Variants in SPAG5 observed in about 807,000 individuals in gnomAD.
SPAG5 encodes the protein sperm associated antigen 5, also known as sperm-associated antigen 5.
In SPAG5, 99 loss-of-function variants were observed where a neutral mutation model predicts 145.4. The observed-to-expected ratio is 0.68, with a 90% CI of 0.58 to 0.80. SPAG5 has a LOEUF of 0.80. Ranked by LOEUF, SPAG5 falls within the 30% of genes least tolerant of loss-of-function variation. The pLI, the probability that SPAG5 is intolerant of heterozygous loss-of-function variation, is 0.00. For synonymous variants in SPAG5, 477 were observed against 525.4 expected, an observed-to-expected ratio of 0.91 and a Z score of 1.26; for missense variants, 1,192 against 1,416.0, an observed-to-expected ratio of 0.84 and a Z score of 2.54.
At position 28,583,675 on chromosome 17, in the gene SPAG5, C is replaced by T. The variant is rs374676508; in HGVS notation, c.2547-26G>A. On this transcript the variant is annotated intron_variant, in intron 14 of 23. Transcript: ENST00000321765. ...CTGAAATAAGGAACAGGGAAGATGA[C>T]CAAAGACCAAATTACCTTCTCTGAA... 20 of 1,576,974 alleles carry T rather than the reference C, an allele frequency of 1.3e-5. No homozygotes were observed. In the South Asian group the frequency reaches 2.1e-4, roughly 17 times the overall value.
chr17:28,583,367 A>G, intron 15 of SPAG5, 144 bp downstream of exon 15: 2 of 809,458 alleles, frequency 2.5e-6, no homozygotes, highest in Admixed American at 3.4e-5. Context: ...AGGGGAAGAA[A>G]GGTTTGAGCA....
At chr17:28,595,827 C>T (rs373298645) in intron 2 of SPAG5, among the ~76,000 whole-genome samples, 11 of 152,154 alleles carry the variant, frequency 7.2e-5, no homozygotes, top group African/African-American at 2.4e-4. Context: ...AGGCAGATCA[C>T]GAGGTCAGGA....
In SPAG5 at chr17:28,594,512, G is replaced by A. The variant is rs974855591; in HGVS notation, c.178-1446C>T. Among the ~76,000 whole-genome samples the A allele has an allele frequency of 4.0e-5, 6 of 151,852 alleles. No individual in the cohort carries two copies. In the East Asian group the frequency reaches 5.8e-4, roughly 15 times the overall value. ...TGGGAGGCTGAGGCAGGAGAATGGC[G>A]TGAACCCGGGAGGTGGAGCTTGCAG... is the stretch of plus-strand genomic sequence containing the variant. On this transcript the variant is annotated intron_variant, in intron 2 of 23. Transcript: ENST00000321765.
chr17:28,596,222 A>G (rs2070664142), intron 2 of SPAG5, among the ~76,000 whole-genome samples: 1 of 152,060 alleles, frequency 6.6e-6, no homozygotes, highest in Non-Finnish European at 1.5e-5. Context: ...AATTTTTACA[A>G]AACAAAAATA....
chr17:28,578,570 T>TAGAC (rs775881813), intron 20 of SPAG5, 42 bp from the exon 21 acceptor site: 1 of 1,609,584 alleles, frequency 6.2e-7, no homozygotes, highest in African/African-American at 1.3e-5. Flanking sequence ...GACATAAGGA[T>TAGAC]AGACAACATG....
chr17:28,586,935 T>C (rs2070588977), intron 4 of SPAG5, among the ~76,000 whole-genome samples: 2 of 152,154 alleles, frequency 1.3e-5, no homozygotes, highest in South Asian at 4.1e-4. Flanking sequence ...TTTTATTTTC[T>C]GTAGAGATGA....
chr17:28,592,770 T>C lies in SPAG5; in HGVS notation c.474A>G (p.Ile158Met), dbSNP rs144748384. 1.2e-6 allele frequency: 2 copies of C among 1,614,104 alleles called. No individual in the cohort carries two copies. Among genetic ancestry groups the C allele is most frequent in the African/African-American group, 1.3e-5 (1 of 74,926 alleles). The change falls in exon 3 of 24, where the codon ATA (isoleucine) becomes ATG (methionine). Residue 158 changes from isoleucine to methionine, a missense_variant. Physicochemically the swap from Ile to Met is conservative, Grantham distance 10 (BLOSUM62 1). Transcript: ENST00000321765. ...CTGTTCTCAAAGGTCCATTTAAAGA[T>C]ATGCTGTTTGTCTCTGCCATGGTAT... is the stretch of plus-strand genomic sequence containing the variant. ...RLDTMAETNS[I>M]SLNGPLRTDD...
chr17:28,577,983 G>GT, intron 23 of SPAG5, 27 bp downstream of exon 23: 1 of 1,579,342 alleles, frequency 6.3e-7, no homozygotes, highest in Non-Finnish European at 8.7e-7. Context: ...AGGTTCATTA[G>GT]TGATATCACC....
intron 2 of SPAG5, among the ~76,000 whole-genome samples, chr17:28,594,218 A>G (rs546983815): frequency 2.0e-5 from 3 of 152,232 alleles, no homozygotes; most frequent in Non-Finnish European, 4.4e-5. Flanking sequence ...CATGCTAGAC[A>G]CATAATTATA....
At chr17:28,590,694 C>A (rs936268367) in intron 4 of SPAG5, among the ~76,000 whole-genome samples, 25 of 151,818 alleles carry the variant, frequency 1.6e-4, no homozygotes, top group Non-Finnish European at 3.4e-4. Context: ...CATAGTGAAA[C>A]CCTGTCTCTA....
chr17:28,579,957 T>C (rs2070539640), intron 16 of SPAG5, 52 bp downstream of exon 16: 3 of 1,536,332 alleles, frequency 2.0e-6, no homozygotes, highest in Non-Finnish European at 2.7e-6. Flanking sequence ...CAGCAGAAGA[T>C]ATCAGGAGCA....
In SPAG5 at chr17:28,592,301, T is replaced by C. The variant is rs766232580; in HGVS notation, c.943A>G (p.Met315Val). Residue 315 changes from methionine (M) to valine (V), a missense_variant, in exon 3 of 24, where the codon ATG becomes GTG. Met to Val is a conservative substitution (Grantham distance 21). Coordinates refer to ENST00000321765, the MANE Select transcript of SPAG5 (RefSeq NM_006461.4). ...STCLTPNLVE[M>V]ESQEAPGPAV... ...GGGCCTGGAGCTTCTTGGGATTCCA[T>C]TTCTACTAGATTTGGTGTCAGGCAT... The C allele has an allele frequency of 1.9e-6, 3 of 1,614,056 alleles. No homozygotes were observed. Among genetic ancestry groups the C allele is most frequent in the Admixed American group, 3.3e-5 (2 of 59,990 alleles).
intron 2 of SPAG5, among the ~76,000 whole-genome samples, chr17:28,596,693 C>A (rs1292204942): frequency 1.3e-5 from 2 of 152,088 alleles, no homozygotes; most frequent in African/African-American, 4.8e-5. Context: ...AATTAATAAT[C>A]ATAATAAATT....
chr17:28,583,382 G>A, intron 15 of SPAG5, 129 bp downstream of exon 15: 2 of 996,154 alleles, frequency 2.0e-6, no homozygotes, highest in Non-Finnish European at 2.9e-6. Flanking sequence ...TGAGCAACAG[G>A]CTAATGAGGT....
chr17:28,584,804 T>G (rs2070573220), intron 10 of SPAG5, 59 bp from the exon 11 acceptor site: 2 of 1,289,006 alleles, frequency 1.6e-6, no homozygotes, highest in Admixed American at 1.7e-5. Flanking sequence ...ATCCCAGGAC[T>G]TGGTCCAGCT....
chr17:28,585,464 A>G, intron 8 of SPAG5, 53 bp from the exon 9 acceptor site: 4 of 1,613,780 alleles, frequency 2.5e-6, no homozygotes, highest in Middle Eastern at 1.7e-4. Flanking sequence ...GATACAGCAA[A>G]GTGGGAGTAT....
rs374233952 is a variant in SPAG5, at chr17:28,598,988, G to T, written c.-42C>A. ...GGCCTATCACGTCTCAGACCAAGTC[G>T]AGGACGCCATGTTCACCCGCCGTCT... On this transcript the variant is annotated 5_prime_UTR_variant, in exon 1 of 24. It introduces an in-frame stop codon into an upstream open reading frame of the 5' UTR. Coordinates refer to ENST00000321765, the MANE Select transcript of SPAG5 (RefSeq NM_006461.4). 6.3e-7 allele frequency: 1 copy of T among 1,598,210 alleles called. No homozygotes were observed. Among genetic ancestry groups the T allele is most frequent in the Non-Finnish European group, 8.6e-7 (1 of 1,165,804 alleles).
chr17:28,579,205 T>G lies in SPAG5; in HGVS notation c.3053A>C (p.Glu1018Ala), dbSNP rs750133924. 1.7e-5 allele frequency: 28 copies of G among 1,614,084 alleles called. No individual in the cohort carries two copies. Among genetic ancestry groups the G allele is most frequent in the Non-Finnish European group, 2.1e-5 (25 of 1,180,048 alleles). Residue 1018 changes from glutamate (E) to alanine (A), a missense_variant, in exon 19 of 24, where the codon GAA becomes GCA. Transcript: ENST00000321765. ...GTCTGCTTCTTTTGCCTTCTGGACT[T>G]CCTGATGCTGTTCTTCCTGGGCCTG... ...RLQAQEEQHQ[E>A]VQKAKEADIE...
At chr17:28,594,425 C>T (rs1213160472) in intron 2 of SPAG5, among the ~76,000 whole-genome samples, 1 of 152,112 alleles carries the variant, frequency 6.6e-6, no homozygotes, top group Non-Finnish European at 1.5e-5. Flanking sequence ...GAAACCCCGT[C>T]TCTACTAAAA....
Sources: gnomAD v4.1 joint callset for allele counts (sites outside exome capture counted in the v4.1 genomes callset) on GRCh38, gnomAD v4.1.1 for gene constraint, MANE v1.5 for transcripts, NCBI Gene and HGNC (gene_info 2026-07-23, HGNC 2026-07-21) for gene names.